The following DMD variants were observed in gnomAD, a reference collection of about 807,000 sequenced individuals.
DMD encodes dystrophin.
A neutral mutation model predicts 330.1 loss-of-function variants in DMD; 63 were observed. The ratio of observed to expected loss-of-function variants is 0.19; its 90% confidence interval spans 0.16 to 0.24. The LOEUF (loss-of-function observed/expected upper bound fraction) is 0.24. DMD is among the 10% of genes least tolerant of loss of function. The pLI, the probability that DMD is intolerant of heterozygous loss-of-function variation, is 1.00. For missense variants in DMD, 3,344 were observed against 2,684.1 expected (o/e 1.25, Z -5.43); for synonymous variants, 1,223 against 959.8 (o/e 1.27, Z -5.07).
At position 32,625,278 on chromosome X, in the gene DMD, T is replaced by C. The variant is rs749864582; in HGVS notation, c.1332-10825A>G. Among the ~76,000 whole-genome samples the C allele has an allele frequency of 6.7e-4, 75 of 112,394 alleles. 1 individual carries two copies. The highest frequency in any genetic ancestry group is 1.3e-3 in the Non-Finnish European group (69 of 53,325). ...TCTATGTGTGCACTATAGGTATACA[T>C]ATATAATGGACACTAGTCAGGTGGG... On this transcript the variant is annotated intron_variant, in intron 11 of 78. Transcript: ENST00000357033.
At chrX:32,834,603 C>G (rs990140043) in intron 4 of DMD, among the ~76,000 whole-genome samples, 4 of 111,309 alleles carry the variant, frequency 3.6e-5, no homozygotes, top group Non-Finnish European at 7.6e-5. Context: ...TGAATTTCCA[C>G]CCTAGGCTTT....
chrX:31,822,004 CTTTA>C (rs1396057419), intron 49 of DMD, among the ~76,000 whole-genome samples: 3 of 112,333 alleles, frequency 2.7e-5, no homozygotes, highest in East Asian at 2.8e-4. Flanking sequence ...GAAACCATTA[CTTTA>C]TTTATTCCAG....
intron 48 of DMD, among the ~76,000 whole-genome samples, chrX:31,843,206 G>A (rs762075966): frequency 7.5e-4 from 84 of 111,779 alleles, no homozygotes; most frequent in African/African-American, 2.6e-3. Context: ...CTTTTTGGTA[G>A]AATGATTTAT....
At chrX:31,909,532 A>C (rs748270773) in intron 47 of DMD, among the ~76,000 whole-genome samples, 4 of 110,069 alleles carry the variant, frequency 3.6e-5, no homozygotes, top group South Asian at 3.8e-4. Flanking sequence ...AAAAAAAAAA[A>C]AAAACAAGAA....
chrX:31,872,868 G>A (rs2093914041), intron 48 of DMD, among the ~76,000 whole-genome samples: 1 of 111,073 alleles, frequency 9.0e-6, no homozygotes, highest in Non-Finnish European at 1.9e-5. Context: ...AATTGTACTG[G>A]TGAATAGGAG....
chrX:32,984,646 C>T (rs1484533177), intron 2 of DMD, among the ~76,000 whole-genome samples: 3 of 111,594 alleles, frequency 2.7e-5, no homozygotes, highest in Non-Finnish European at 3.8e-5. Flanking sequence ...TATGTGAAGC[C>T]CTTATTTCAG....
chrX:33,103,760 A>G (rs1286198860), intron 1 of DMD, among the ~76,000 whole-genome samples: 1 of 111,647 alleles, frequency 9.0e-6, no homozygotes, highest in Non-Finnish European at 1.9e-5. Flanking sequence ...TATGTCTTGC[A>G]TTTTTTGAGC....
chrX:31,123,676 T>C (rs1306780395), intron 78 of DMD, among the ~76,000 whole-genome samples: 1 of 112,152 alleles, frequency 8.9e-6, no homozygotes, highest in Non-Finnish European at 1.9e-5. Flanking sequence ...TTACTAGCGA[T>C]CTTTACGGTT....
chrX:31,312,531 T>C (rs1021877513), intron 62 of DMD, among the ~76,000 whole-genome samples: 2 of 112,556 alleles, frequency 1.8e-5, no homozygotes, highest in Admixed American at 9.4e-5. Flanking sequence ...AGTTCAACCA[T>C]TGTGGAAAAC....
chrX:32,180,137 C>T lies in DMD; in HGVS notation c.6438+36779G>A, dbSNP rs778779536. ...ACAGAACTCATGGTGTTTTCTTCTG[C>T]GGAAAGCAAGTTAGTGTAGTCCAGG... On this transcript the variant is annotated intron_variant, in intron 44 of 78. Transcript: ENST00000357033. Among the ~76,000 whole-genome samples, 10 of 111,880 alleles carry T rather than the reference C, an allele frequency of 8.9e-5. No homozygotes were observed. The South Asian group carries it at 1.5e-3, about 17-fold the overall frequency.
chrX:32,456,564 T>A (rs779390356), intron 25 of DMD, among the ~76,000 whole-genome samples: 1 of 98,996 alleles, frequency 1.0e-5, no homozygotes, highest in South Asian at 5.2e-4. Flanking sequence ...AAACTATACA[T>A]TCACATACAT....
chrX:33,214,675 A>G (rs1462951608), upstream of DMD, among the ~76,000 whole-genome samples: 1 of 111,800 alleles, frequency 8.9e-6, no homozygotes, highest in African/African-American at 3.3e-5. Flanking sequence ...CATTTAAGAG[A>G]TGGAGGCTTG....
intron 1 of DMD, among the ~76,000 whole-genome samples, chrX:33,099,197 G>T (rs1437363428): frequency 9.0e-6 from 1 of 111,530 alleles, no homozygotes; most frequent in Non-Finnish European, 1.9e-5. Flanking sequence ...AGTTTCTTTG[G>T]AGAGAAACCT....
intron 44 of DMD, among the ~76,000 whole-genome samples, chrX:32,207,645 G>T (rs2097075898): frequency 8.9e-6 from 1 of 111,842 alleles, no homozygotes; most frequent in Non-Finnish European, 1.9e-5. Context: ...TCGTTAAATT[G>T]CCCTGACCAT....
At chrX:31,191,548 G>C (rs1247311585) in intron 67 of DMD, among the ~76,000 whole-genome samples, 6 of 110,797 alleles carry the variant, frequency 5.4e-5, no homozygotes, top group African/African-American at 2.0e-4. Flanking sequence ...TAGTGAATGA[G>C]TCTCACACTA....
At chrX:32,976,429 G>A (rs113321013) in intron 2 of DMD, among the ~76,000 whole-genome samples, 2,840 of 111,055 alleles carry the variant, frequency 0.026, 84 homozygotes, top group African/African-American at 0.089. Flanking sequence ...TGAAAAGTAG[G>A]GGACAGCCTG....
At chrX:32,755,637 T>C (rs1432409484) in intron 7 of DMD, among the ~76,000 whole-genome samples, 30 of 112,284 alleles carry the variant, frequency 2.7e-4, no homozygotes, top group Non-Finnish European at 7.5e-5. Flanking sequence ...TATTCAATTA[T>C]TTGCTTGCCA....
At chrX:33,136,278 CAAAAAA>C (rs57297863) in intron 1 of DMD, among the ~76,000 whole-genome samples, 1 of 19,715 alleles carries the variant, frequency 5.1e-5, no homozygotes, top group East Asian at 2.3e-3. Flanking sequence ...GACCCCGTCT[CAAAAAA>C]AAAAAAAAAA....
At chrX:32,663,997 T>G (rs1398475036) in intron 9 of DMD, among the ~76,000 whole-genome samples, 1 of 111,269 alleles carries the variant, frequency 9.0e-6, no homozygotes, top group Non-Finnish European at 1.9e-5. Context: ...GACTGCATTT[T>G]ACTGAATGTC....
Sources: gnomAD v4.1 joint callset for allele counts (sites outside exome capture counted in the v4.1 genomes callset) on GRCh38, gnomAD v4.1.1 for gene constraint, MANE v1.5 for transcripts, NCBI Gene and HGNC (gene_info 2026-07-23, HGNC 2026-07-21) for gene names.